EPS8: variants seen among roughly 807,000 people sequenced by gnomAD.
EPS8 encodes EGFR pathway substrate 8, signaling adaptor.
EPS8 carries 42 observed loss-of-function variants against 103.8 expected under a neutral mutation model. That is an observed-to-expected ratio of 0.40 (90% CI 0.32 to 0.52). The LOEUF (loss-of-function observed/expected upper bound fraction) is 0.52. Ranked by LOEUF, EPS8 falls within the 20% of genes least tolerant of loss-of-function variation. The pLI, the probability that EPS8 is intolerant of heterozygous loss-of-function variation, is 0.40. For synonymous variants in EPS8, 344 were observed against 344.6 expected (o/e 1.00, Z 0.02); for missense variants, 969 against 1,005.1 (o/e 0.96, Z 0.49).
intron 13 of EPS8, among the ~76,000 whole-genome samples, 184 bp from the exon 14 acceptor site, chr12:15,651,190 G>C (rs571347999): frequency 5.9e-5 from 9 of 152,180 alleles, no homozygotes; most frequent in Non-Finnish European, 1.2e-4. Context: ...GTTTATGCCA[G>C]TATTTCACAC....
rs1239824763 is a variant in EPS8, at chr12:15,713,880, A to G, written c.-21-30908T>C. Among the ~76,000 whole-genome samples the G allele has an allele frequency of 6.6e-6, 1 of 152,146 alleles. No individual in the cohort carries two copies. The highest frequency in any genetic ancestry group is 1.5e-5 in the Non-Finnish European group (1 of 68,010). On this transcript the variant is annotated intron_variant, in intron 1 of 20. Coordinates refer to ENST00000281172, the MANE Select transcript of EPS8 (RefSeq NM_004447.6). The surrounding 1 kb of genome is among the most constrained non-coding windows in gnomAD (Gnocchi z 4.8). ...ATGCTATAAGAAATTAAAATCCTAAACCTATGACACAACAGTTTTGAAATG... is the reference window on the plus strand; with the variant it reads ...ATGCTATAAGAAATTAAAATCCTAAGCCTATGACACAACAGTTTTGAAATG...
chr12:15,660,931 T>C (rs886723618), intron 9 of EPS8, among the ~76,000 whole-genome samples, 191 bp from the exon 10 acceptor site: 16 of 152,336 alleles, frequency 1.1e-4, no homozygotes, highest in African/African-American at 3.4e-4. Flanking sequence ...CATTTTTCTT[T>C]AGCTTACTTT....
intron 3 of EPS8, among the ~76,000 whole-genome samples, chr12:15,680,110 GATT>G (rs1419771339): frequency 6.6e-6 from 1 of 152,030 alleles, no homozygotes; most frequent in Non-Finnish European, 1.5e-5. Flanking sequence ...ACAACAATCA[GATT>G]AATAAGGCTA....
At chr12:15,741,576 C>T (rs1256322966) in intron 1 of EPS8, among the ~76,000 whole-genome samples, 1 of 152,122 alleles carries the variant, frequency 6.6e-6, no homozygotes, top group Non-Finnish European at 1.5e-5. Flanking sequence ...GTGAGGGCAA[C>T]AAAAATACTA....
At position 15,666,433 on chromosome 12, in the gene EPS8, C is replaced by G. The variant is rs765061390; in HGVS notation, c.599+7G>C. On this transcript the variant is annotated splice_region_variant and intron_variant, in intron 7 of 20. Transcript: ENST00000281172. ...TTCCACTCCTTGATTTCTTTCAATG[C>G]TTTTACCTCAGGGCGTCGGGCCGCC... 5.0e-6 allele frequency: 8 copies of G among 1,608,068 alleles called. No homozygotes were observed. The highest frequency in any genetic ancestry group is 6.8e-6 in the Non-Finnish European group (8 of 1,175,310).
Position 15,647,253 on chromosome 12 carries a change from C to A in EPS8, c.1442G>T (p.Ser481Ile), listed in dbSNP as rs1203441292. 1 of 1,611,500 alleles carries A rather than the reference C, an allele frequency of 6.2e-7. No homozygotes were observed. Among genetic ancestry groups the A allele is most frequent in the Admixed American group, 1.7e-5 (1 of 59,464 alleles). Reference sequence around the variant, plus strand: ...ATCGGCTGGATGATACTCTGATACACTGGAATGCTGAAAGACAAAGTGGGG... The same window carrying A: ...ATCGGCTGGATGATACTCTGATACAATGGAATGCTGAAAGACAAAGTGGGG... ...EIKRLSTEHSSVSEYHPADGY... is the reference protein window; with the variant it reads ...EIKRLSTEHSIVSEYHPADGY... The change falls in exon 15 of 21, where the codon AGT becomes ATT. Residue 481 changes from serine (S) to isoleucine (I), a missense_variant. Physicochemically the swap from Ser to Ile is moderately radical, Grantham distance 142. Transcript: ENST00000281172.
intron 12 of EPS8, chr12:15,657,847 T>TA: frequency 2.2e-6 from 1 of 461,690 alleles, no homozygotes; most frequent in South Asian, 2.3e-5. Flanking sequence ...TTCATATCCC[T>TA]AGCACTGTCA....
chr12:15,663,837 G>A (rs1037358565), intron 8 of EPS8, among the ~76,000 whole-genome samples: 2 of 147,832 alleles, frequency 1.4e-5, no homozygotes, highest in Non-Finnish European at 3.0e-5. Context: ...CAGGAGAATC[G>A]CTTGAACCAG....
Position 15,781,312 on chromosome 12 carries a change from G to C in EPS8, c.-22+7849C>G, listed in dbSNP as rs946819901. 2.0e-5 allele frequency among the ~76,000 whole-genome samples: 3 copies of C among 152,126 alleles called. No homozygotes were observed. The highest frequency in any genetic ancestry group is 2.9e-5 in the Non-Finnish European group (2 of 68,022). On this transcript the variant is annotated intron_variant, in intron 1 of 20. Transcript: ENST00000281172. This position sits in a 1 kb window ranked among gnomAD's most constrained non-coding sequence, Gnocchi z 4.1. Reference sequence around the variant, plus strand: ...GTATATAGCACAGTATTAAATAAAAGAATGTAATTAAGGACACTCTGGCCA... The same window carrying C: ...GTATATAGCACAGTATTAAATAAAACAATGTAATTAAGGACACTCTGGCCA...
rs1946545264 is a variant in EPS8 at position 15,717,478 on chromosome 12, T to C, written c.-21-34506A>G. On this transcript the variant is annotated intron_variant, in intron 1 of 20. Transcript: ENST00000281172. This position sits in a 1 kb window ranked among gnomAD's most constrained non-coding sequence, Gnocchi z 4.3. The stretch of plus-strand genomic sequence containing the variant: ...GGCACGTGCCTGTAATCCCAGCTAC[T>C]TGGGAGGCTGAGGCAGCAGAATTGC... Among the ~76,000 whole-genome samples the C allele has an allele frequency of 6.6e-6, 1 of 152,112 alleles. No individual in the cohort carries two copies. The highest frequency in any genetic ancestry group is 1.5e-5 in the Non-Finnish European group (1 of 68,028).
rs1946760966 is a variant in EPS8, at chr12:15,735,701, T to A, written c.-21-52729A>T. 6.6e-6 allele frequency among the ~76,000 whole-genome samples: 1 copy of A among 152,222 alleles called. No homozygotes were observed. Among genetic ancestry groups the A allele is most frequent in the Admixed American group, 6.5e-5 (1 of 15,282 alleles). The stretch of plus-strand genomic sequence containing the variant: ...ACAAATAAACATAGTAATCAGGTTA[T>A]TTAAATTGTAGACCTTTTAAAAGTG... On this transcript the variant is annotated intron_variant, in intron 1 of 20. Transcript: ENST00000281172. The surrounding 1 kb of genome is among the most constrained non-coding windows in gnomAD (Gnocchi z 4.4).
chr12:15,698,342 A>C lies in EPS8; in HGVS notation c.-21-15370T>G, dbSNP rs534358886. On this transcript the variant is annotated intron_variant, in intron 1 of 20. Coordinates refer to ENST00000281172, the MANE Select transcript of EPS8 (RefSeq NM_004447.6). The surrounding 1 kb of genome is among the most constrained non-coding windows in gnomAD (Gnocchi z 4.9). The stretch of plus-strand genomic sequence containing the variant: ...TTTTAACCAAGTAAGTTAAAACAGA[A>C]AAAATTCAGCAGCTCTAGCTTCTAA... 2.0e-5 allele frequency among the ~76,000 whole-genome samples: 3 copies of C among 152,302 alleles called. No homozygotes were observed. The East Asian group carries it at 5.8e-4, about 29-fold the overall frequency.
At chr12:15,741,663 C>A (rs1161581508) in intron 1 of EPS8, among the ~76,000 whole-genome samples, 1 of 152,146 alleles carries the variant, frequency 6.6e-6, no homozygotes, top group Non-Finnish European at 1.5e-5. Context: ...ATTAGCTACT[C>A]CAGCTTAGAT....
chr12:15,645,595 C>A (rs1361112644), intron 15 of EPS8, among the ~76,000 whole-genome samples: 1 of 152,040 alleles, frequency 6.6e-6, no homozygotes, highest in Non-Finnish European at 1.5e-5. Context: ...CTATAAAGAT[C>A]ATAAAAATCA....
At chr12:15,786,715 G>A (rs563106850) in intron 1 of EPS8, among the ~76,000 whole-genome samples, 54 of 152,072 alleles carry the variant, frequency 3.6e-4, no homozygotes, top group Non-Finnish European at 6.2e-4. Flanking sequence ...TACTGAAAAG[G>A]TTGTAGTGAA....
At chr12:15,703,733 A>G (rs1204281198) in intron 1 of EPS8, among the ~76,000 whole-genome samples, 2 of 150,744 alleles carry the variant, frequency 1.3e-5, no homozygotes, top group African/African-American at 4.9e-5. Context: ...GGCAGACTAG[A>G]TCAGAGAACG....
intron 1 of EPS8, among the ~76,000 whole-genome samples, chr12:15,712,629 A>G (rs1317667632): frequency 6.6e-6 from 1 of 152,206 alleles, no homozygotes; most frequent in Non-Finnish European, 1.5e-5. Context: ...TCTGTAAGCC[A>G]GAAGACAGGA....
rs746312236 is a variant in EPS8 at position 15,771,084 on chromosome 12, A to C, written c.-22+18077T>G. ...AAGTGCCTAGGCGATCCTGAGAAAA[A>C]AAATATTAAGTGGGAGAGGTACCAA... On this transcript the variant is annotated intron_variant, in intron 1 of 20. Transcript: ENST00000281172. This position sits in a 1 kb window ranked among gnomAD's most constrained non-coding sequence, Gnocchi z 4.6. Among the ~76,000 whole-genome samples, 11 of 152,224 alleles carry C rather than the reference A, an allele frequency of 7.2e-5. No individual in the cohort carries two copies. The highest frequency in any genetic ancestry group is 6.5e-4 in the Admixed American group (10 of 15,282).
intron 1 of EPS8, among the ~76,000 whole-genome samples, chr12:15,742,789 T>C (rs1946838453): frequency 6.6e-6 from 1 of 152,108 alleles, no homozygotes; most frequent in Admixed American, 6.6e-5. Context: ...ATGACAAACA[T>C]ACAGCCAATA....
Sources: allele counts gnomAD v4.1 joint callset (sites outside exome capture counted in the v4.1 genomes callset), GRCh38; gene constraint gnomAD v4.1.1; non-coding constraint Gnocchi (gnomAD v3.1); transcripts MANE v1.5; gene names NCBI Gene and HGNC (gene_info 2026-07-23, HGNC 2026-07-21).